The following DSCAML1 variants were observed in gnomAD, a reference collection of about 807,000 sequenced individuals.
The protein encoded by DSCAML1 is DS cell adhesion molecule like 1.
A neutral mutation model predicts 200.5 loss-of-function variants in DSCAML1; 38 were observed. The observed-to-expected ratio is 0.19, with a 90% confidence interval of 0.15 to 0.25. The LOEUF is 0.25. DSCAML1 is among the 10% of genes least tolerant of loss of function. The probability of loss-of-function intolerance (pLI) is 1.00; values close to 1 mark genes in which losing one functional copy is unlikely to be tolerated. For synonymous variants in DSCAML1, 1,215 were observed against 1,165.0 expected, an observed-to-expected ratio of 1.04 and a Z score of -0.87; for missense variants, 2,223 against 2,858.8, an observed-to-expected ratio of 0.78 and a Z score of 5.07.
rs148315691 is a variant in DSCAML1 at position 117,766,564 on chromosome 11, G to T, written c.511+10227C>A. ...AGGATAACCTTCTATAAAGAATTCCGCTCTGATTTCAGGGTAACTTTCAGA... is the reference window on the plus strand; with the variant it reads ...AGGATAACCTTCTATAAAGAATTCCTCTCTGATTTCAGGGTAACTTTCAGA... On this transcript the variant is annotated intron_variant, in intron 3 of 32. Coordinates refer to ENST00000651296, the MANE Select transcript of DSCAML1 (RefSeq NM_020693.4). 1.7e-3 allele frequency among the ~76,000 whole-genome samples: 266 copies of T among 152,240 alleles called. 2 individuals are homozygous for T. The highest frequency in any genetic ancestry group is 6.3e-3 in the African/African-American group (262 of 41,540).
chr11:117,770,870 A>C (rs2055026243), intron 3 of DSCAML1, among the ~76,000 whole-genome samples: 1 of 152,224 alleles, frequency 6.6e-6, no homozygotes, highest in Non-Finnish European at 1.5e-5. Flanking sequence ...CATAGGCTTC[A>C]GACAGACAAA....
At chr11:117,429,150 G>A (rs571987561) in intron 32 of DSCAML1, among the ~76,000 whole-genome samples, 12 of 152,286 alleles carry the variant, frequency 7.9e-5, no homozygotes, top group East Asian at 7.7e-4. Context: ...GTCAGCTTCC[G>A]GTAGTGGAGA....
Position 117,438,901 on chromosome 11 carries a change from C to T in DSCAML1, c.4227G>A (p.Gly1409=), listed in dbSNP as rs773004750. The T allele has an allele frequency of 3.7e-6, 6 of 1,603,926 alleles. No individual in the cohort carries two copies. Among genetic ancestry groups the T allele is most frequent in the Non-Finnish European group, 4.3e-6 (5 of 1,176,280 alleles). ...ITLTWIPGDN[G]GSSIRGFVLQ... Reference sequence around the variant, plus strand: ...CCTCCTCACCTCGGATGGAGCTGCCCCCATTGTCACCTGGAATCCAGGTCA... The same window carrying T: ...CCTCCTCACCTCGGATGGAGCTGCCTCCATTGTCACCTGGAATCCAGGTCA... The change falls in exon 24 of 33, where the codon GGG becomes GGA. Residue 1409 remains glycine (G), a synonymous_variant. Coordinates refer to ENST00000651296, the MANE Select transcript of DSCAML1 (RefSeq NM_020693.4).
intron 3 of DSCAML1, among the ~76,000 whole-genome samples, chr11:117,734,524 G>T (rs2054285607): frequency 6.6e-6 from 1 of 152,196 alleles, no homozygotes; most frequent in Non-Finnish European, 1.5e-5. Context: ...TGCTGGGTCA[G>T]TGCCTGCTCT....
intron 3 of DSCAML1, among the ~76,000 whole-genome samples, chr11:117,711,118 C>T (rs543248190): frequency 6.6e-5 from 10 of 152,306 alleles, no homozygotes; most frequent in African/African-American, 1.9e-4. Flanking sequence ...CCTCCCAGGA[C>T]GGCATTCTTG....
At chr11:117,704,595 G>C (rs766885138) in intron 3 of DSCAML1, among the ~76,000 whole-genome samples, 3 of 152,204 alleles carry the variant, frequency 2.0e-5, no homozygotes, top group Non-Finnish European at 4.4e-5. Flanking sequence ...CGGGGAGGAG[G>C]GGGTGTATGG....
intron 3 of DSCAML1, among the ~76,000 whole-genome samples, chr11:117,577,442 T>G (rs2050954258): frequency 1.6e-5 from 1 of 63,976 alleles, no homozygotes. Flanking sequence ...CCTTCTTTCC[T>G]TCCTTCCTTC....
chr11:117,767,869 C>T lies in DSCAML1; in HGVS notation c.511+8922G>A, dbSNP rs556404820. Among the ~76,000 whole-genome samples, 178 of 152,216 alleles carry T rather than the reference C, an allele frequency of 1.2e-3. 1 individual carries two copies. The highest frequency in any genetic ancestry group is 3.4e-3 in the African/African-American group (140 of 41,536). ...AGAATGGGGGTAGCATGTTTCCCTC[C>T]GAGGGTTCCAAGCATGATTAAATGA... On this transcript the variant is annotated intron_variant, in intron 3 of 32. Coordinates refer to ENST00000651296, the MANE Select transcript of DSCAML1 (RefSeq NM_020693.4).
chr11:117,731,753 CCT>C (rs2054224271), intron 3 of DSCAML1, among the ~76,000 whole-genome samples: 1 of 152,214 alleles, frequency 6.6e-6, no homozygotes, highest in Admixed American at 6.5e-5. Context: ...GCAGAAAACA[CCT>C]CTTATTTGTC....
chr11:117,525,258 G>A (rs1451413292), intron 4 of DSCAML1, among the ~76,000 whole-genome samples, 175 bp from the exon 5 acceptor site: 3 of 152,174 alleles, frequency 2.0e-5, no homozygotes, highest in Non-Finnish European at 4.4e-5. Flanking sequence ...TGTCTTCTGT[G>A]CTCAGGCCAG....
At chr11:117,783,121 G>A (rs1328675912) in intron 1 of DSCAML1, among the ~76,000 whole-genome samples, 1 of 151,498 alleles carries the variant, frequency 6.6e-6, no homozygotes, top group East Asian at 1.9e-4. Context: ...GCACATACAC[G>A]ACACACACAC....
In DSCAML1 at chr11:117,635,799, G is replaced by A. The variant is rs190063801; in HGVS notation, c.512-103277C>T. On this transcript the variant is annotated intron_variant, in intron 3 of 32. Transcript: ENST00000651296. Reference sequence around the variant, plus strand: ...GGCATGCAAAGGAGGAGGTGGTGATGTAGTGAAGTCATAACGCTGGGTGGG... The same window carrying A: ...GGCATGCAAAGGAGGAGGTGGTGATATAGTGAAGTCATAACGCTGGGTGGG... 2.6e-3 allele frequency among the ~76,000 whole-genome samples: 402 copies of A among 152,286 alleles called. 4 individuals are homozygous for A. The highest frequency in any genetic ancestry group is 9.3e-3 in the African/African-American group (388 of 41,554).
At chr11:117,641,243 T>C (rs1204664806) in intron 3 of DSCAML1, among the ~76,000 whole-genome samples, 1 of 152,162 alleles carries the variant, frequency 6.6e-6, no homozygotes, top group Admixed American at 6.5e-5. Context: ...GATCGCTGGG[T>C]GCCACCTTCT....
chr11:117,591,380 T>C (rs2051256655), intron 3 of DSCAML1, among the ~76,000 whole-genome samples: 1 of 152,194 alleles, frequency 6.6e-6, no homozygotes, highest in African/African-American at 2.4e-5. Context: ...GAGTGATGTA[T>C]AATTGATGAA....
At chr11:117,645,007 T>C (rs2052493793) in intron 3 of DSCAML1, among the ~76,000 whole-genome samples, 1 of 152,206 alleles carries the variant, frequency 6.6e-6, no homozygotes, top group Non-Finnish European at 1.5e-5. Context: ...ACCCCCGGTG[T>C]GGGGCCCACG....
At chr11:117,465,367 C>T (rs2048559501) in intron 16 of DSCAML1, among the ~76,000 whole-genome samples, 185 bp from the exon 17 acceptor site, 1 of 152,178 alleles carries the variant, frequency 6.6e-6, no homozygotes, top group African/African-American at 2.4e-5. Context: ...CTCCCATTAC[C>T]TCTCAGATCC....
At chr11:117,684,110 AG>A (rs1335261468) in intron 3 of DSCAML1, among the ~76,000 whole-genome samples, 1 of 152,210 alleles carries the variant, frequency 6.6e-6, no homozygotes. Flanking sequence ...TCCAAGCATC[AG>A]TCCCTTTCTC....
chr11:117,577,459 T>A (rs866566118), intron 3 of DSCAML1, among the ~76,000 whole-genome samples: 1 of 43,842 alleles, frequency 2.3e-5, no homozygotes, highest in Non-Finnish European at 4.7e-5. Context: ...CTTCCTTCCT[T>A]TCCTTCCTTC....
intron 3 of DSCAML1, among the ~76,000 whole-genome samples, chr11:117,559,223 G>A (rs1324491177): frequency 2.0e-5 from 3 of 152,090 alleles, no homozygotes; most frequent in South Asian, 2.1e-4. Context: ...AATGCCGACC[G>A]CCATCATGTA....
Sources: gnomAD v4.1 joint callset for allele counts (sites outside exome capture counted in the v4.1 genomes callset) on GRCh38, gnomAD v4.1.1 for gene constraint, MANE v1.5 for transcripts, NCBI Gene and HGNC (gene_info 2026-07-23, HGNC 2026-07-21) for gene names.